Variants in GPD2 observed in about 807,000 individuals in gnomAD.
GPD2 encodes glycerol-3-phosphate dehydrogenase 2, also known as glycerol-3-phosphate dehydrogenase, mitochondrial.
GPD2 carries 54 observed loss-of-function variants against 82.4 expected under a neutral mutation model. The observed-to-expected ratio is 0.66, with a 90% CI of 0.53 to 0.82. The LOEUF (loss-of-function observed/expected upper bound fraction) is 0.82, where lower values mean the gene tolerates loss of function less well. Among genes scored for constraint, GPD2 ranks in the 40% least tolerant of loss-of-function variants. GPD2 has a pLI of 0.00. For synonymous variants in GPD2, 288 were observed against 306.1 expected (o/e 0.94, Z 0.62); for missense variants, 748 against 896.2 (o/e 0.83, Z 2.11).
the GPD2 span, among the ~76,000 whole-genome samples, chr2:156,418,651 G>A: frequency 6.6e-6 from 1 of 152,064 alleles, no homozygotes; most frequent in Non-Finnish European, 1.5e-5. Flanking sequence ...TAGGATAAAA[G>A]GCATTCAGAT....
chr2:156,508,268 A>T (rs1684858175), intron 3 of GPD2, among the ~76,000 whole-genome samples: 1 of 151,812 alleles, frequency 6.6e-6, no homozygotes, highest in Non-Finnish European at 1.5e-5. Context: ...TTTGTTCCTT[A>T]ACTCACAACA....
chr2:156,500,038 G>A (rs986891789), intron 3 of GPD2, among the ~76,000 whole-genome samples: 5 of 152,062 alleles, frequency 3.3e-5, no homozygotes, highest in Non-Finnish European at 1.5e-5. Flanking sequence ...GATAGTTGTG[G>A]TGGTGATGAT....
the GPD2 span, among the ~76,000 whole-genome samples, chr2:156,415,095 C>G: frequency 6.6e-6 from 1 of 150,408 alleles, no homozygotes; most frequent in Non-Finnish European, 1.5e-5. Context: ...TATTTGTAGT[C>G]TTTTATCCCT....
chr2:156,576,724 T>C (rs1020278493), intron 13 of GPD2, among the ~76,000 whole-genome samples: 15 of 152,224 alleles, frequency 9.9e-5, no homozygotes, highest in African/African-American at 3.6e-4. Context: ...TGAAAAAATA[T>C]CTTCCAGCTT....
At chr2:156,451,831 G>A (rs1011594977) in intron 1 of GPD2, among the ~76,000 whole-genome samples, 1 of 151,304 alleles carries the variant, frequency 6.6e-6, no homozygotes, top group African/African-American at 2.4e-5. Context: ...CAGGCGGAGG[G>A]GCTCCTCACT....
intron 2 of GPD2, among the ~76,000 whole-genome samples, chr2:156,482,642 A>T (rs990475830): frequency 6.6e-6 from 1 of 152,172 alleles, no homozygotes; most frequent in Non-Finnish European, 1.5e-5. Flanking sequence ...CTTCTTTCCC[A>T]AAGTCAGTGA....
rs987034865 is a variant in GPD2, at chr2:156,443,081, C to T, written c.-9+6568C>T. On this transcript the variant is annotated intron_variant, in intron 1 of 16. Transcript: ENST00000438166. ...AAAAGTAGGAATTCCCTACTGTTGT[C>T]CCTATTCTGATGTTCTTCCTTCTAT... Among the ~76,000 whole-genome samples, 5 of 152,092 alleles carry T rather than the reference C, an allele frequency of 3.3e-5. 1 individual carries two copies. Among genetic ancestry groups the T allele is most frequent in the Admixed American group, 3.3e-4 (5 of 15,264 alleles).
At chr2:156,536,112 C>G (rs3820857) in intron 6 of GPD2, among the ~76,000 whole-genome samples, 32,301 of 152,182 alleles carry the variant, frequency 0.21, 4,189 homozygotes, top group Middle Eastern at 0.31. Context: ...CAACTCTAGA[C>G]ACATACTGAA....
At chr2:156,533,123 C>G (rs3769354) in intron 6 of GPD2, among the ~76,000 whole-genome samples, 1 of 152,308 alleles carries the variant, frequency 6.6e-6, no homozygotes, top group East Asian at 1.9e-4. Flanking sequence ...GAATGTTTCT[C>G]TTGGTGCAGT....
the GPD2 span, among the ~76,000 whole-genome samples, chr2:156,401,221 T>C: frequency 8.8e-3 from 1,345 of 152,322 alleles, 6 homozygotes; most frequent in Non-Finnish European, 0.014. Flanking sequence ...CCAATGCTTA[T>C]AGCAAATGTG....
At chr2:156,461,538 C>T (rs1682987497) in intron 1 of GPD2, among the ~76,000 whole-genome samples, 1 of 151,818 alleles carries the variant, frequency 6.6e-6, no homozygotes, top group South Asian at 2.1e-4. Flanking sequence ...GTTACCATGC[C>T]CAGCTCATTT....
intron 16 of GPD2, among the ~76,000 whole-genome samples, 197 bp downstream of exon 16, chr2:156,579,985 C>CT (rs1366700559): frequency 6.6e-6 from 1 of 152,090 alleles, no homozygotes; most frequent in Admixed American, 6.6e-5. Context: ...TATTCTTTTC[C>CT]TTTTTTTGTA....
At position 156,462,511 on chromosome 2, in the gene GPD2, G is replaced by A. The variant is rs1281591700; in HGVS notation, c.-8-13587G>A. On this transcript the variant is annotated intron_variant, in intron 1 of 16. Coordinates refer to ENST00000438166, the MANE Select transcript of GPD2 (RefSeq NM_000408.5). ...GAGACGGGGTTTCTCCATATTGGTC[G>A]GGCTGGTCTCAAACTTCCACCCTCA... 8.8e-5 allele frequency among the ~76,000 whole-genome samples: 13 copies of A among 147,978 alleles called. No individual in the cohort carries two copies. The Admixed American group carries it at 8.9e-4, about 10-fold the overall frequency.
At chr2:156,546,507 A>G (rs563120013) in intron 6 of GPD2, among the ~76,000 whole-genome samples, 1 of 152,286 alleles carries the variant, frequency 6.6e-6, no homozygotes, top group East Asian at 1.9e-4. Flanking sequence ...TCTCAGGGTA[A>G]GGGGTAAGGG....
chr2:156,527,147 G>A (rs1286579574), intron 6 of GPD2, among the ~76,000 whole-genome samples: 1 of 151,998 alleles, frequency 6.6e-6, no homozygotes, highest in Non-Finnish European at 1.5e-5. Context: ...TGGAAAGCCA[G>A]CCTGGTATTA....
At chr2:156,546,886 C>T (rs535219977) in intron 6 of GPD2, among the ~76,000 whole-genome samples, 4 of 147,232 alleles carry the variant, frequency 2.7e-5, no homozygotes, top group Admixed American at 2.1e-4. Flanking sequence ...GGAAGTATTC[C>T]ATCCCATAGT....
the GPD2 span, among the ~76,000 whole-genome samples, chr2:156,412,534 G>A: frequency 6.6e-6 from 1 of 151,878 alleles, no homozygotes; most frequent in African/African-American, 2.4e-5. Flanking sequence ...GGGGCATTTA[G>A]CCCCTCTGTC....
rs547636613 is a variant in GPD2 at position 156,581,064 on chromosome 2, A to G, written c.2058+1276A>G. Among the ~76,000 whole-genome samples, 5 of 152,292 alleles carry G rather than the reference A, an allele frequency of 3.3e-5. 1 individual carries two copies. The South Asian group carries it at 8.3e-4, about 25-fold the overall frequency. On this transcript the variant is annotated intron_variant, in intron 16 of 16. Transcript: ENST00000438166. ...TTAGAAACAATAAGAATCTGATTTT[A>G]TGAATATGCTATGTGGTTTAGGTTT... is the stretch of plus-strand genomic sequence containing the variant.
chr2:156,533,128 T>C (rs1482136731), intron 6 of GPD2, among the ~76,000 whole-genome samples: 1 of 152,218 alleles, frequency 6.6e-6, no homozygotes, highest in Admixed American at 6.5e-5. Context: ...TTTCTCTTGG[T>C]GCAGTGGGTT....
Sources: allele counts gnomAD v4.1 joint callset (sites outside exome capture counted in the v4.1 genomes callset), GRCh38; gene constraint gnomAD v4.1.1; transcripts MANE v1.5; gene names NCBI Gene and HGNC (gene_info 2026-07-23, HGNC 2026-07-21).